MARK4: variants seen among roughly 807,000 people sequenced by gnomAD.
The protein encoded by MARK4 is MAP/microtubule affinity-regulating kinase 4.
In MARK4, 19 loss-of-function variants were observed where a neutral mutation model predicts 81.5. The ratio of observed to expected loss-of-function variants is 0.23; its 90% confidence interval spans 0.16 to 0.34. The LOEUF is 0.34. MARK4 is among the 10% of genes least tolerant of loss of function. The pLI is 1.00. For missense variants in MARK4, 772 were observed against 1,058.8 expected, an observed-to-expected ratio of 0.73 and a Z score of 3.76; for synonymous variants, 436 against 439.0, an observed-to-expected ratio of 0.99 and a Z score of 0.08.
chr19:45,258,820 C>A, intron 1 of MARK4, 169 bp from the exon 2 acceptor site: 1 of 677,116 alleles, frequency 1.5e-6, no homozygotes. Flanking sequence ...GCTTTTGTTC[C>A]TGGAGGCGTC....
At chr19:45,277,821 GGTT>G (rs1568496714) in intron 8 of MARK4, 99 bp from the exon 9 acceptor site, 7 of 1,288,400 alleles carry the variant, frequency 5.4e-6, no homozygotes, top group African/African-American at 3.3e-5. Flanking sequence ...TTGGGACAAA[GGTT>G]GTGTGTGTGT....
chr19:45,275,525 T>C (rs534539304), intron 8 of MARK4, among the ~76,000 whole-genome samples: 1 of 151,882 alleles, frequency 6.6e-6, no homozygotes, highest in East Asian at 1.9e-4. Context: ...CCCGTCTGCA[T>C]ATGTTAAGCC....
At chr19:45,293,250 G>C (rs914019150) in intron 13 of MARK4, among the ~76,000 whole-genome samples, 1 of 152,132 alleles carries the variant, frequency 6.6e-6, no homozygotes, top group Non-Finnish European at 1.5e-5. Context: ...TGGGCAAAAT[G>C]AGTGAAACTC....
At chr19:45,283,189 C>G (rs986982588) in intron 12 of MARK4, among the ~76,000 whole-genome samples, 3 of 151,924 alleles carry the variant, frequency 2.0e-5, no homozygotes, top group African/African-American at 7.3e-5. Flanking sequence ...GCAGGCAGAT[C>G]ACCTGAGCGC....
At chr19:45,270,748 C>T (rs976935357) in intron 7 of MARK4, among the ~76,000 whole-genome samples, 1 of 152,000 alleles carries the variant, frequency 6.6e-6, no homozygotes, top group African/African-American at 2.4e-5. Flanking sequence ...TACTGGCGCA[C>T]ACCACCATGC....
chr19:45,277,553 C>T (rs894107120), intron 8 of MARK4, among the ~76,000 whole-genome samples: 2 of 151,526 alleles, frequency 1.3e-5, no homozygotes, highest in Admixed American at 1.3e-4. Flanking sequence ...GTGTGCACCA[C>T]CATGCTCAGG....
Position 45,294,268 on chromosome 19 carries a change from G to A in MARK4, c.1495-81G>A, listed in dbSNP as rs573222593. The stretch of plus-strand genomic sequence containing the variant: ...GAGCCCCTGACTTATTCATCGATGG[G>A]GAGGGCAGAGAAGGGAAGAGGGAGA... On this transcript the variant is annotated intron_variant, in intron 13 of 16. Coordinates refer to ENST00000262891, the MANE Select transcript of MARK4 (RefSeq NM_001199867.2). 224 of 1,324,528 alleles carry A rather than the reference G, an allele frequency of 1.7e-4. 3 individuals carry two copies. The South Asian group carries it at 2.0e-3, about 12-fold the overall frequency. 82.0% of individuals were successfully genotyped at this position (1,324,528 alleles called of 1,614,324 possible). A position where few individuals can be genotyped will look rare whatever the true frequency, so the allele number is the denominator to read the frequency against.
At chr19:45,294,544 T>C (rs1479384094) in intron 14 of MARK4, 92 bp downstream of exon 14, 6 of 1,108,562 alleles carry the variant, frequency 5.4e-6, no homozygotes, top group Non-Finnish European at 8.0e-6. Context: ...CATTGGAGGC[T>C]GGTGCCATGG....
chr19:45,287,255 T>C (rs899770431), intron 12 of MARK4, among the ~76,000 whole-genome samples, 192 bp from the exon 13 acceptor site: 13 of 150,496 alleles, frequency 8.6e-5, no homozygotes, highest in Non-Finnish European at 1.8e-4. Flanking sequence ...ATGTGCATGA[T>C]GTCATTGATT....
chr19:45,270,661 A>T (rs980628820), intron 7 of MARK4, among the ~76,000 whole-genome samples: 1 of 152,126 alleles, frequency 6.6e-6, no homozygotes, highest in Admixed American at 6.6e-5. Context: ...GTGCAGTGGC[A>T]CAGTCTCAGC....
In MARK4 at chr19:45,278,050, C is replaced by T. The variant is rs1438396358; in HGVS notation, c.906+8C>T. On this transcript the variant is annotated splice_region_variant and intron_variant, in intron 9 of 16. Transcript: ENST00000262891. The stretch of plus-strand genomic sequence containing the variant: ...AAACGCTGTACTCTCGAGGTGAGCC[C>T]AGCCTCACAGCCAGCGGGAGCCCTT... 1 of 1,612,964 alleles carries T rather than the reference C, an allele frequency of 6.2e-7. No homozygotes were observed. The highest frequency in any genetic ancestry group is 1.1e-5 in the South Asian group (1 of 91,026).
Position 45,264,821 on chromosome 19 carries a change from C to G in MARK4, c.422-19C>G. The stretch of plus-strand genomic sequence containing the variant: ...GCCGCTGCACCTGACCCTGACCCCG[C>G]TCGGCCTCTGCCCTGCAGGAGAAGT... On this transcript the variant is annotated intron_variant, in intron 5 of 16. Coordinates refer to ENST00000262891, the MANE Select transcript of MARK4 (RefSeq NM_001199867.2). The G allele has an allele frequency of 6.2e-7, 1 of 1,614,126 alleles. No individual in the cohort carries two copies. Among genetic ancestry groups the G allele is most frequent in the Admixed American group, 1.7e-5 (1 of 60,026 alleles).
In MARK4 at chr19:45,278,502, C is replaced by T. The variant is rs1970630669; in HGVS notation, c.907-14C>T. ...ACACCTGTCTTCCCCCTTCCCTGCTCCTGATGCCTGCAGCAAATCATGAAA... is the reference window on the plus strand; with the variant it reads ...ACACCTGTCTTCCCCCTTCCCTGCTTCTGATGCCTGCAGCAAATCATGAAA... On this transcript the variant is annotated splice_polypyrimidine_tract_variant and intron_variant, in intron 9 of 16. Coordinates refer to ENST00000262891, the MANE Select transcript of MARK4 (RefSeq NM_001199867.2). The T allele has an allele frequency of 6.2e-7, 1 of 1,612,166 alleles. No individual in the cohort carries two copies. The highest frequency in any genetic ancestry group is 1.1e-5 in the South Asian group (1 of 91,054).
At chr19:45,262,055 A>G (rs974856728) in intron 2 of MARK4, among the ~76,000 whole-genome samples, 19 of 152,234 alleles carry the variant, frequency 1.2e-4, no homozygotes, top group African/African-American at 4.6e-4. Context: ...AGATTCCATC[A>G]GGCTGCATAA....
At position 45,304,793 on chromosome 19, in the gene MARK4, GATAGGAGTGCGTTTTAGGCACAGCAA is replaced by G. The variant is rs1971028139; in HGVS notation, c.*2086_*2111del. ...GAGGAGAAGGAGCCAGCTAGACATG[GATAGGAGTGCGTTTTAGGCACAGCAA>G]ATGGCACATACAAGGGCCAGGGAGC... On this transcript the variant is annotated 3_prime_UTR_variant, in exon 17 of 17. Coordinates refer to ENST00000262891, the MANE Select transcript of MARK4 (RefSeq NM_001199867.2). The G allele has an allele frequency of 6.5e-6, 1 of 152,868 alleles. No individual in the cohort carries two copies. Among genetic ancestry groups the G allele is most frequent in the Non-Finnish European group, 1.5e-5 (1 of 68,582 alleles). The allele number at this position is 152,868 out of a possible 1,614,324, so 9.5% of individuals were successfully genotyped here. A position where few individuals can be genotyped will look rare whatever the true frequency, so the allele number is the denominator to read the frequency against.
rs749449351 is a variant in MARK4 at position 45,302,569 on chromosome 19, C to T, written c.2118C>T (p.Pro706=). 1.3e-4 allele frequency: 204 copies of T among 1,563,958 alleles called. 5 individuals carry two copies. The South Asian group carries it at 1.9e-3, about 15-fold the overall frequency. The change falls in exon 17 of 17, where the codon CCC becomes CCT. Residue 706 remains proline (P), a synonymous_variant. Coordinates refer to ENST00000262891, the MANE Select transcript of MARK4 (RefSeq NM_001199867.2). The surrounding 1 kb of genome is among the most constrained non-coding windows in gnomAD (Gnocchi z 4.9). ...GCCTGCACGGGGGTGCGGGCGGGCC[C>T]GAGCCCCTGTCCCACTTCGAAGTGG... is the stretch of plus-strand genomic sequence containing the variant. ...LACLHGGAGG[P]EPLSHFEVEV... is the part of the protein sequence containing the mutation.
intron 15 of MARK4, 32 bp downstream of exon 15, chr19:45,297,986 G>A (rs376280831): frequency 7.1e-6 from 11 of 1,549,922 alleles, no homozygotes; most frequent in Middle Eastern, 1.7e-4. Flanking sequence ...GGGGCAGGGC[G>A]GGGCGGGGGG....
Position 45,299,064 on chromosome 19 carries a change from TAAAAA to T in MARK4, c.1878-725_1878-721del, listed in dbSNP as rs59720430. ...TGGCAACAGAGGGAGAACCTGTCTC[TAAAAA>T]AAAAAAAAAAAAAAAAAAAAATTGA... On this transcript the variant is annotated intron_variant, in intron 15 of 16. Transcript: ENST00000262891. Among the ~76,000 whole-genome samples, 477 of 85,004 alleles carry T rather than the reference TAAAAA, an allele frequency of 5.6e-3. 8 individuals are homozygous for T. The highest frequency in any genetic ancestry group is 0.026 in the African/African-American group (439 of 16,724). The allele number at this position is 85,004 out of a possible 152,430, so 55.8% of individuals were successfully genotyped here. A position where few individuals can be genotyped will look rare whatever the true frequency, so the allele number is the denominator to read the frequency against.
intron 13 of MARK4, among the ~76,000 whole-genome samples, chr19:45,292,284 A>G (rs1423434782): frequency 6.6e-6 from 1 of 151,524 alleles, no homozygotes; most frequent in East Asian, 2.0e-4. Flanking sequence ...AAAAAAGAGA[A>G]AAAGGGTGGA....
Sources: allele counts gnomAD v4.1 joint callset (sites outside exome capture counted in the v4.1 genomes callset), GRCh38; gene constraint gnomAD v4.1.1; non-coding constraint Gnocchi (gnomAD v3.1); transcripts MANE v1.5; gene names NCBI Gene and HGNC (gene_info 2026-07-23, HGNC 2026-07-21).